The following SIRPA variants were observed in gnomAD, a reference collection of about 807,000 sequenced individuals.
SIRPA encodes tyrosine-protein phosphatase non-receptor type substrate 1.
A neutral mutation model predicts 50.3 loss-of-function variants in SIRPA; 9 were observed. That is an observed-to-expected ratio of 0.18 (90% CI 0.11 to 0.31). The LOEUF (loss-of-function observed/expected upper bound fraction) is 0.31. SIRPA is among the 10% of genes least tolerant of loss of function. The pLI, the probability that SIRPA is intolerant of heterozygous loss-of-function variation, is 1.00. For missense variants in SIRPA, 474 were observed against 661.6 expected (o/e 0.72, Z 3.11); for synonymous variants, 265 against 284.1 (o/e 0.93, Z 0.68).
At chr20:1,930,612 C>T (rs952524983) in intron 6 of SIRPA, among the ~76,000 whole-genome samples, 45 of 152,040 alleles carry the variant, frequency 3.0e-4, no homozygotes, top group African/African-American at 9.9e-4. Flanking sequence ...ATTTTTGAGA[C>T]GGAGTTTTGC....
chr20:1,921,726 A>C lies in SIRPA; in HGVS notation c.754+14A>C, dbSNP rs1349707685. On this transcript the variant is annotated intron_variant, in intron 3 of 7. Coordinates refer to ENST00000358771, the MANE Select transcript of SIRPA (RefSeq NM_001040023.2). ...AGACCATCCGAGGTAGAAGACCCTC[A>C]CCCAGCCCAAGCCCACACCTGACCG... 1 of 1,614,012 alleles carries C rather than the reference A, an allele frequency of 6.2e-7. No homozygotes were observed. The highest frequency in any genetic ancestry group is 8.5e-7 in the Non-Finnish European group (1 of 1,179,970).
rs897806899 is a variant in SIRPA at position 1,933,185 on chromosome 20, G to A, written c.1227-1530G>A. Among the ~76,000 whole-genome samples the A allele has an allele frequency of 9.9e-5, 15 of 152,206 alleles. No individual in the cohort carries two copies. Among genetic ancestry groups the A allele is most frequent in the Admixed American group, 4.6e-4 (7 of 15,280 alleles). On this transcript the variant is annotated intron_variant, in intron 6 of 7. Transcript: ENST00000358771. This position sits in a 1 kb window ranked among gnomAD's most constrained non-coding sequence, Gnocchi z 4.4. ...GTGAGGAAGCATGGCAGGCAGGCAGGCAGACAGCAATAGAAACCAGATATG... is the reference window on the plus strand; with the variant it reads ...GTGAGGAAGCATGGCAGGCAGGCAGACAGACAGCAATAGAAACCAGATATG...
chr20:1,902,572 C>T (rs545581420), intron 1 of SIRPA, among the ~76,000 whole-genome samples: 20 of 152,272 alleles, frequency 1.3e-4, no homozygotes, highest in Admixed American at 1.3e-3. Context: ...TGCTCTCGTG[C>T]AGCAGACATT....
At chr20:1,897,016 C>A (rs1267043564) in intron 1 of SIRPA, among the ~76,000 whole-genome samples, 1 of 152,150 alleles carries the variant, frequency 6.6e-6, no homozygotes, top group Non-Finnish European at 1.5e-5. Context: ...GGGAATTGGG[C>A]CCGAGTTAAT....
intron 2 of SIRPA, among the ~76,000 whole-genome samples, chr20:1,920,139 A>G (rs1261851172): frequency 6.6e-6 from 1 of 152,174 alleles, no homozygotes; most frequent in East Asian, 1.9e-4. Flanking sequence ...ATCCCCTCAC[A>G]GAGATGGAGT....
chr20:1,920,930 C>T (rs911611956), intron 2 of SIRPA, among the ~76,000 whole-genome samples: 2 of 152,244 alleles, frequency 1.3e-5, no homozygotes, highest in Non-Finnish European at 2.9e-5. Context: ...TGCCAGGCCG[C>T]CCCTCTCATG....
At chr20:1,935,890 A>G (rs1312695731) in intron 7 of SIRPA, among the ~76,000 whole-genome samples, 1 of 152,198 alleles carries the variant, frequency 6.6e-6, no homozygotes, top group Non-Finnish European at 1.5e-5. Context: ...GAAGCAAATG[A>G]GAGCACGCAG....
rs1985151485 is a variant in SIRPA, at chr20:1,915,023, G to A, written c.80-76G>A. The A allele has an allele frequency of 4.3e-6, 5 of 1,165,294 alleles. 1 individual carries two copies. Among genetic ancestry groups the A allele is most frequent in the Non-Finnish European group, 6.2e-6 (5 of 804,938 alleles). 72.2% of individuals were successfully genotyped at this position (1,165,294 alleles called of 1,614,324 possible). A position where few individuals can be genotyped will look rare whatever the true frequency, so the allele number is the denominator to read the frequency against. On this transcript the variant is annotated intron_variant, in intron 1 of 7. Coordinates refer to ENST00000358771, the MANE Select transcript of SIRPA (RefSeq NM_001040023.2). ...TCTGGTGTGCATCCAGTCAATGAAC[G>A]TCATTGATAAACACTTGAGGAAACA...
chr20:1,937,307 A>G lies in SIRPA; in HGVS notation c.1267-13A>G, dbSNP rs755990051. On this transcript the variant is annotated splice_polypyrimidine_tract_variant and intron_variant, in intron 7 of 7. Coordinates refer to ENST00000358771, the MANE Select transcript of SIRPA (RefSeq NM_001040023.2). The surrounding 1 kb of genome is among the most constrained non-coding windows in gnomAD (Gnocchi z 8.3). ...CCTTCTCATGACTTTCTCTTTGGGT[A>G]TCTTAAATCCAGGACACAAATGATA... is the stretch of plus-strand genomic sequence containing the variant. The G allele has an allele frequency of 4.4e-6, 7 of 1,606,316 alleles. No homozygotes were observed. Among genetic ancestry groups the G allele is most frequent in the South Asian group, 1.1e-5 (1 of 90,798 alleles).
Position 1,924,990 on chromosome 20 carries a change from TC to T in SIRPA, c.1201+115del. The stretch of plus-strand genomic sequence containing the variant: ...ATCAGCTTCTGCCAGTAGCAAGAAG[TC>T]CAGAGGTAGTGGTGCTAGGGCTGGG... On this transcript the variant is annotated intron_variant, in intron 5 of 7. Coordinates refer to ENST00000358771, the MANE Select transcript of SIRPA (RefSeq NM_001040023.2). The surrounding 1 kb of genome is among the most constrained non-coding windows in gnomAD (Gnocchi z 4.5). The T allele has an allele frequency of 1.2e-6, 1 of 821,196 alleles. No individual in the cohort carries two copies. Among genetic ancestry groups the T allele is most frequent in the Non-Finnish European group, 2.0e-6 (1 of 490,556 alleles). 50.9% of individuals were successfully genotyped at this position (821,196 alleles called of 1,614,324 possible). A position where few individuals can be genotyped will look rare whatever the true frequency, so the allele number is the denominator to read the frequency against.
At position 1,936,315 on chromosome 20, in the gene SIRPA, C is replaced by T. The variant is rs747232534; in HGVS notation, c.1267-1005C>T. ...AAGTTTGCTAAGTGGTTAATGATTG[C>T]GAACATTTATTGAAGACAGATGCTC... is the stretch of plus-strand genomic sequence containing the variant. On this transcript the variant is annotated intron_variant, in intron 7 of 7. Coordinates refer to ENST00000358771, the MANE Select transcript of SIRPA (RefSeq NM_001040023.2). The surrounding 1 kb of genome is among the most constrained non-coding windows in gnomAD (Gnocchi z 4.2). 5.3e-5 allele frequency among the ~76,000 whole-genome samples: 8 copies of T among 152,266 alleles called. No homozygotes were observed. Among genetic ancestry groups the T allele is most frequent in the South Asian group, 2.1e-4 (1 of 4,816 alleles).
At chr20:1,907,289 A>C (rs910310307) in intron 1 of SIRPA, among the ~76,000 whole-genome samples, 1 of 152,200 alleles carries the variant, frequency 6.6e-6, no homozygotes, top group Non-Finnish European at 1.5e-5. Flanking sequence ...AGCAGTTTCT[A>C]TCACAGCACC....
In SIRPA at chr20:1,924,997, G is replaced by T; in HGVS notation, c.1201+120G>T. The T allele has an allele frequency of 1.3e-6, 1 of 778,676 alleles. No individual in the cohort carries two copies. The highest frequency in any genetic ancestry group is 1.6e-5 in the South Asian group (1 of 62,826). The allele number at this position is 778,676 out of a possible 1,614,324, so 48.2% of individuals were successfully genotyped here. On this transcript the variant is annotated intron_variant, in intron 5 of 7. Coordinates refer to ENST00000358771, the MANE Select transcript of SIRPA (RefSeq NM_001040023.2). The surrounding 1 kb of genome is among the most constrained non-coding windows in gnomAD (Gnocchi z 4.5). ...TCTGCCAGTAGCAAGAAGTCCAGAG[G>T]TAGTGGTGCTAGGGCTGGGGCAGTG...
At chr20:1,897,018 C>T (rs4814710) in intron 1 of SIRPA, among the ~76,000 whole-genome samples, 32,449 of 152,056 alleles carry the variant, frequency 0.21, 3,936 homozygotes, top group African/African-American at 0.3. Context: ...GAATTGGGCC[C>T]GAGTTAATTT....
intron 1 of SIRPA, among the ~76,000 whole-genome samples, chr20:1,899,485 C>T (rs989560540): frequency 7.9e-5 from 12 of 152,164 alleles, no homozygotes; most frequent in Admixed American, 2.6e-4. Flanking sequence ...GTAGTATGCC[C>T]GTTAGCATGT....
At chr20:1,896,360 G>A (rs374487098) in intron 1 of SIRPA, among the ~76,000 whole-genome samples, 1 of 151,384 alleles carries the variant, frequency 6.6e-6, no homozygotes, top group Non-Finnish European at 1.5e-5. Flanking sequence ...AGGCTACTGT[G>A]CATGTTCACC....
rs1986706446 is a variant in SIRPA, at chr20:1,938,159, C to G, written c.*591C>G. 6.5e-6 allele frequency: 1 copy of G among 154,190 alleles called. No individual in the cohort carries two copies. Among genetic ancestry groups the G allele is most frequent in the Admixed American group, 6.4e-5 (1 of 15,508 alleles). The allele number at this position is 154,190 out of a possible 1,614,324, so 9.6% of individuals were successfully genotyped here. ...CCAACAGTCCTGGCCTCCCCCATCC[C>G]TAGGCTAAAGAGCCATGAGTCCTGG... is the stretch of plus-strand genomic sequence containing the variant. On this transcript the variant is annotated 3_prime_UTR_variant, in exon 8 of 8. Transcript: ENST00000358771.
At chr20:1,910,451 C>T (rs1375657508) in intron 1 of SIRPA, among the ~76,000 whole-genome samples, 4 of 152,172 alleles carry the variant, frequency 2.6e-5, no homozygotes, top group Non-Finnish European at 5.9e-5. Context: ...TACCTCAGTC[C>T]CATTTCCCAG....
chr20:1,937,510 C>T lies in SIRPA; in HGVS notation c.1457C>T (p.Ala486Val), dbSNP rs781656196. The change falls in exon 8 of 8, where the codon GCC becomes GTC. Residue 486 changes from alanine to valine, a missense_variant. This residue lies in a region of SIRPA where 180 missense variants were observed against 206.7 expected (regional missense o/e 0.87). Transcript: ENST00000358771. This position sits in a 1 kb window ranked among gnomAD's most constrained non-coding sequence, Gnocchi z 8.3. ...VHLNRTPKQPAPKPEPSFSEY... is the reference protein window; with the variant it reads ...VHLNRTPKQPVPKPEPSFSEY... ...CTCAACCGGACCCCCAAGCAGCCGG[C>T]CCCCAAGCCTGAGCCGTCCTTCTCA... is the stretch of plus-strand genomic sequence containing the variant. 1 of 1,614,108 alleles carries T rather than the reference C, an allele frequency of 6.2e-7. No individual in the cohort carries two copies. Among genetic ancestry groups the T allele is most frequent in the Non-Finnish European group, 8.5e-7 (1 of 1,180,002 alleles).
Sources: allele counts gnomAD v4.1 joint callset (sites outside exome capture counted in the v4.1 genomes callset), GRCh38; gene constraint gnomAD v4.1.1; regional missense constraint gnomAD v4.1.1; non-coding constraint Gnocchi (gnomAD v3.1); transcripts MANE v1.5; gene names NCBI Gene and HGNC (gene_info 2026-07-23, HGNC 2026-07-21).